PPP2R2B: variants seen among roughly 807,000 people sequenced by gnomAD.
PPP2R2B encodes the protein protein phosphatase 2 regulatory subunit Bbeta, also known as serine/threonine-protein phosphatase 2A 55 kDa regulatory subunit B beta isoform.
PPP2R2B carries 5 observed loss-of-function variants against 46.0 expected under a neutral mutation model. The observed-to-expected ratio is 0.11, with a 90% CI of 0.06 to 0.23. PPP2R2B has a LOEUF of 0.23. Among genes scored for constraint, PPP2R2B ranks in the 10% least tolerant of loss-of-function variants. PPP2R2B has a pLI of 1.00. For missense variants in PPP2R2B, 367 were observed against 575.0 expected, an observed-to-expected ratio of 0.64 and a Z score of 3.70; for synonymous variants, 215 against 206.7, an observed-to-expected ratio of 1.04 and a Z score of -0.34.
chr5:147,050,612 G>A (rs1044624939), intron 1 of PPP2R2B, among the ~76,000 whole-genome samples: 58 of 151,630 alleles, frequency 3.8e-4, no homozygotes, highest in African/African-American at 1.3e-3. Flanking sequence ...TCTGTGACTC[G>A]GTTTTCTCAT....
chr5:146,962,407 C>G (rs558403445), intron 1 of PPP2R2B, among the ~76,000 whole-genome samples: 1 of 151,844 alleles, frequency 6.6e-6, no homozygotes, highest in South Asian at 2.1e-4. Flanking sequence ...GCCTGTAATC[C>G]TAGCACTTTG....
intron 2 of PPP2R2B, among the ~76,000 whole-genome samples, chr5:147,074,571 C>A (rs1757703542): frequency 6.6e-6 from 1 of 152,182 alleles, no homozygotes; most frequent in Non-Finnish European, 1.5e-5. Flanking sequence ...TGCTTTGAGA[C>A]AACCCAGTTG....
intron 2 of PPP2R2B, among the ~76,000 whole-genome samples, chr5:146,726,324 C>T (rs1751866401): frequency 6.6e-6 from 1 of 152,134 alleles, no homozygotes; most frequent in Non-Finnish European, 1.5e-5. Flanking sequence ...ATATGACTGT[C>T]CTAGGTGCTG....
At chr5:146,965,142 G>A (rs1043233896) in intron 1 of PPP2R2B, among the ~76,000 whole-genome samples, 6 of 152,140 alleles carry the variant, frequency 3.9e-5, no homozygotes, top group African/African-American at 1.2e-4. Flanking sequence ...CACTCAGTTA[G>A]TTTGATGGCA....
At chr5:146,931,274 C>G (rs1763961511) in intron 1 of PPP2R2B, among the ~76,000 whole-genome samples, 1 of 152,086 alleles carries the variant, frequency 6.6e-6, no homozygotes, top group South Asian at 2.1e-4. Flanking sequence ...GAGTGCAGAT[C>G]CAATCTGCTT....
chr5:146,925,573 T>C (rs893913107), intron 1 of PPP2R2B, among the ~76,000 whole-genome samples: 2 of 152,232 alleles, frequency 1.3e-5, no homozygotes, highest in African/African-American at 4.8e-5. Context: ...ATTTTCTCTT[T>C]GGATTTGGCA....
intron 2 of PPP2R2B, among the ~76,000 whole-genome samples, chr5:146,796,436 T>TA (rs1756541783): frequency 6.6e-6 from 1 of 152,204 alleles, no homozygotes; most frequent in African/African-American, 2.4e-5. Context: ...CTGACTGCTC[T>TA]AGTAGCTACA....
intron 1 of PPP2R2B, among the ~76,000 whole-genome samples, chr5:146,932,204 G>A (rs191145717): frequency 6.0e-4 from 92 of 152,226 alleles, no homozygotes; most frequent in African/African-American, 2.0e-3. Context: ...TTGAATTCAA[G>A]GCCTATTGTA....
At position 146,637,129 on chromosome 5, in the gene PPP2R2B, A is replaced by G. The variant is rs564323389; in HGVS notation, c.790+1122T>C. Among the ~76,000 whole-genome samples the G allele has an allele frequency of 2.6e-4, 39 of 152,350 alleles. 1 individual carries two copies. In the South Asian group the frequency reaches 7.0e-3, roughly 27 times the overall value. On this transcript the variant is annotated intron_variant, in intron 7 of 9. Transcript: ENST00000394411. ...CATCTTGCCTCATTAGCCAAATTTT[A>G]AATTCCTTGAGTATAGGAGATAAGT...
chr5:146,733,777 G>A (rs1752370841), intron 2 of PPP2R2B, among the ~76,000 whole-genome samples: 1 of 152,158 alleles, frequency 6.6e-6, no homozygotes, highest in African/African-American at 2.4e-5. Flanking sequence ...TATCATGGGT[G>A]AATTCAGCTT....
At chr5:146,770,681 A>G (rs187788845) in intron 2 of PPP2R2B, among the ~76,000 whole-genome samples, 157 of 152,306 alleles carry the variant, frequency 1.0e-3, no homozygotes, top group Non-Finnish European at 1.9e-3. Context: ...GAGCAAGTAA[A>G]TCTGCTATGT....
Position 146,721,176 on chromosome 5 carries a change from T to TC in PPP2R2B, c.71-20035dup, listed in dbSNP as rs369113521. Among the ~76,000 whole-genome samples, 534 of 152,324 alleles carry TC rather than the reference T, an allele frequency of 3.5e-3. 3 individuals carry two copies. The highest frequency in any genetic ancestry group is 0.012 in the African/African-American group (518 of 41,584). On this transcript the variant is annotated intron_variant, in intron 2 of 9. Transcript: ENST00000394411. ...TTTACCTCCAAACTGGAGCTGTTTT[T>TC]CTCTGCCTCTAATATGACCCTGTTG...
intron 2 of PPP2R2B, among the ~76,000 whole-genome samples, chr5:146,849,557 G>C (rs537572124): frequency 6.6e-5 from 10 of 152,258 alleles, no homozygotes; most frequent in Admixed American, 6.5e-4. Flanking sequence ...AGGGACTACA[G>C]ATAAATTTGC....
intron 1 of PPP2R2B, chr5:147,054,529 C>T (rs941481650): frequency 5.5e-5 from 24 of 440,174 alleles, no homozygotes; most frequent in African/African-American, 4.5e-4. Context: ...AAAATACCAC[C>T]CTCAGTCTCA....
intron 7 of PPP2R2B, among the ~76,000 whole-genome samples, chr5:146,621,343 G>T (rs571782428): frequency 2.0e-5 from 3 of 152,198 alleles, no homozygotes; most frequent in Non-Finnish European, 4.4e-5. Flanking sequence ...AGAGTCATTT[G>T]CCCTTGGTCA....
chr5:147,061,655 G>T (rs1871579), intron 2 of PPP2R2B, among the ~76,000 whole-genome samples: 65,857 of 151,486 alleles, frequency 0.43, 17,330 homozygotes, highest in Middle Eastern at 0.64. Flanking sequence ...CTTGGCATGT[G>T]ACTAAAGCAA....
chr5:147,076,048 A>G (rs922826289), intron 2 of PPP2R2B, among the ~76,000 whole-genome samples: 1 of 152,190 alleles, frequency 6.6e-6, no homozygotes, highest in Non-Finnish European at 1.5e-5. Flanking sequence ...AACTTACTCC[A>G]TTCCCATAAG....
At chr5:146,647,159 T>G (rs553632051) in intron 6 of PPP2R2B, among the ~76,000 whole-genome samples, 1 of 28,900 alleles carries the variant, frequency 3.5e-5, no homozygotes, top group East Asian at 1.3e-3. Context: ...CTTTGTAATC[T>G]AAATAGATTT....
At chr5:146,908,965 T>G (rs1314499791) in intron 1 of PPP2R2B, among the ~76,000 whole-genome samples, 2 of 152,082 alleles carry the variant, frequency 1.3e-5, no homozygotes, top group Non-Finnish European at 2.9e-5. Flanking sequence ...GGAGCTCAGA[T>G]CGTGTTTTTC....
Sources: allele counts gnomAD v4.1 joint callset (sites outside exome capture counted in the v4.1 genomes callset), GRCh38; gene constraint gnomAD v4.1.1; transcripts MANE v1.5; gene names NCBI Gene and HGNC (gene_info 2026-07-23, HGNC 2026-07-21).